CAST: variants seen among roughly 807,000 people sequenced by gnomAD.
The protein encoded by CAST is calpastatin.
Under a neutral mutation model 119.6 loss-of-function variants are expected in CAST, and 76 were observed. That is an observed-to-expected ratio of 0.64 (90% CI 0.53 to 0.77). The LOEUF (loss-of-function observed/expected upper bound fraction) is 0.77, where lower values mean the gene tolerates loss of function less well. Among genes scored for constraint, CAST ranks in the 30% least tolerant of loss-of-function variants. The pLI, the probability that CAST is intolerant of heterozygous loss-of-function variation, is 0.00. For missense variants in CAST, 953 were observed against 946.5 expected (o/e 1.01, Z -0.09); for synonymous variants, 319 against 331.6 (o/e 0.96, Z 0.41).
chr5:96,043,274 G>T, the CAST span, among the ~76,000 whole-genome samples: 1 of 152,212 alleles, frequency 6.6e-6, no homozygotes, highest in Non-Finnish European at 1.5e-5. Context: ...TGAATAAGAC[G>T]TCCATTTGTT....
At chr5:96,564,628 C>A (rs1746435875) in intron 1 of CAST, among the ~76,000 whole-genome samples, 1 of 152,186 alleles carries the variant, frequency 6.6e-6, no homozygotes, top group African/African-American at 2.4e-5. Flanking sequence ...ACTTAAATGT[C>A]ACCTATTTAG....
chr5:96,234,566 G>A, the CAST span, among the ~76,000 whole-genome samples: 5 of 152,158 alleles, frequency 3.3e-5, no homozygotes, highest in African/African-American at 7.2e-5. Context: ...ATGAAGGACC[G>A]AGTTTCCTTC....
At chr5:96,531,160 C>A (rs1479285172) in intron 1 of CAST, among the ~76,000 whole-genome samples, 1 of 152,104 alleles carries the variant, frequency 6.6e-6, no homozygotes, top group Non-Finnish European at 1.5e-5. Flanking sequence ...ATCACAATGG[C>A]TTCATGTCAA....
chr5:96,035,147 T>TTA, the CAST span, among the ~76,000 whole-genome samples: 114 of 144,286 alleles, frequency 7.9e-4, no homozygotes, highest in Admixed American at 2.9e-3. Context: ...TATACTTATT[T>TTA]TATATATACT....
chr5:96,042,654 A>G, the CAST span, among the ~76,000 whole-genome samples: 3 of 152,150 alleles, frequency 2.0e-5, no homozygotes, highest in South Asian at 2.1e-4. Flanking sequence ...ATCATAGTAA[A>G]AAGTTGGAGT....
the CAST span, among the ~76,000 whole-genome samples, chr5:96,012,518 A>G: frequency 6.6e-6 from 1 of 152,156 alleles, no homozygotes; most frequent in Non-Finnish European, 1.5e-5. Context: ...TTTCCATCCT[A>G]TGAATTTTTA....
At chr5:96,098,325 AT>A in the CAST span, among the ~76,000 whole-genome samples, 1 of 152,004 alleles carries the variant, frequency 6.6e-6, no homozygotes, top group Non-Finnish European at 1.5e-5. Flanking sequence ...CTTTAATTTA[AT>A]TGGATCCCAT....
chr5:96,377,988 A>G, the CAST span, among the ~76,000 whole-genome samples: 1 of 152,178 alleles, frequency 6.6e-6, no homozygotes, highest in African/African-American at 2.4e-5. Context: ...CCTTACAAGA[A>G]GGCTATCCTG....
chr5:96,666,524 C>T (rs921843160), intron 1 of CAST, among the ~76,000 whole-genome samples: 1 of 152,214 alleles, frequency 6.6e-6, no homozygotes, highest in Non-Finnish European at 1.5e-5. Flanking sequence ...AAGAATGTTG[C>T]AAGCCTTCCA....
chr5:96,151,900 C>T, the CAST span, among the ~76,000 whole-genome samples: 1 of 152,260 alleles, frequency 6.6e-6, no homozygotes, highest in East Asian at 1.9e-4. Flanking sequence ...GACTCTTGCC[C>T]TCTGTTCTAA....
the CAST span, among the ~76,000 whole-genome samples, chr5:96,283,699 A>G: frequency 8.5e-5 from 13 of 152,202 alleles, no homozygotes; most frequent in Non-Finnish European, 1.5e-4. Context: ...TGAGGCTCCC[A>G]TTTGTTTTAT....
chr5:96,620,686 A>G (rs114521538), intron 1 of CAST, among the ~76,000 whole-genome samples: 193 of 152,360 alleles, frequency 1.3e-3, no homozygotes, highest in African/African-American at 4.5e-3. Flanking sequence ...AGCATAAAAA[A>G]AGAAAAAAAT....
chr5:96,297,888 G>T, the CAST span, among the ~76,000 whole-genome samples: 2 of 152,188 alleles, frequency 1.3e-5, no homozygotes, highest in Non-Finnish European at 1.5e-5. Context: ...TAGAATGCTT[G>T]TAAGCAAGTT....
intron 1 of CAST, among the ~76,000 whole-genome samples, chr5:96,551,769 C>G (rs183749607): frequency 1.2e-4 from 18 of 152,146 alleles, no homozygotes; most frequent in African/African-American, 3.9e-4. Context: ...GGTTGCAATT[C>G]TGTTCTCTAA....
At position 96,767,903 on chromosome 5, in the gene CAST, T is replaced by G; in HGVS notation, c.2176-4T>G. On this transcript the variant is annotated splice_region_variant and splice_polypyrimidine_tract_variant and intron_variant, in intron 28 of 31. Transcript: ENST00000675179. ...ACTGATGGTTATTTCTACTCATATC[T>G]CAGAAACCTGCAGATGACCAAGACC... 6.2e-7 allele frequency: 1 copy of G among 1,606,440 alleles called. No homozygotes were observed. Among genetic ancestry groups the G allele is most frequent in the Non-Finnish European group, 8.5e-7 (1 of 1,173,140 alleles).
At chr5:96,534,358 C>T (rs1215282985) in intron 1 of CAST, among the ~76,000 whole-genome samples, 2 of 151,532 alleles carry the variant, frequency 1.3e-5, no homozygotes, top group Non-Finnish European at 2.9e-5. Context: ...CACAGGTAAC[C>T]TTTAAGAAAC....
At chr5:96,534,229 A>G (rs1036230210) in intron 1 of CAST, among the ~76,000 whole-genome samples, 1 of 152,228 alleles carries the variant, frequency 6.6e-6, no homozygotes. Context: ...CCAAATAACC[A>G]ATGCATGATG....
chr5:96,505,486 AT>A, the CAST span, among the ~76,000 whole-genome samples: 8 of 152,310 alleles, frequency 5.3e-5, no homozygotes, highest in African/African-American at 1.9e-4. Context: ...CTCAAAAAAA[AT>A]AATAAAAATA....
the CAST span, among the ~76,000 whole-genome samples, chr5:96,111,301 C>A: frequency 5.5e-4 from 84 of 152,306 alleles, 1 homozygote; most frequent in Middle Eastern, 3.4e-3. Flanking sequence ...ACTTCTGTAT[C>A]CGTGGAATTT....
Sources: allele counts gnomAD v4.1 joint callset (sites outside exome capture counted in the v4.1 genomes callset), GRCh38; gene constraint gnomAD v4.1.1; transcripts MANE v1.5; gene names NCBI Gene and HGNC (gene_info 2026-07-23, HGNC 2026-07-21).